Variants in SLCO5A1 observed in about 807,000 individuals in gnomAD.
SLCO5A1 encodes organic anion transporter polypeptide-related protein 4.
In SLCO5A1, 39 loss-of-function variants were observed where a neutral mutation model predicts 65.1. The ratio of observed to expected loss-of-function variants is 0.60; its 90% CI spans 0.46 to 0.78. The LOEUF is 0.78. SLCO5A1 is among the 30% of genes least tolerant of loss of function. The pLI, the probability that SLCO5A1 is intolerant of heterozygous loss-of-function variation, is 0.00. For synonymous variants in SLCO5A1, 438 were observed against 415.7 expected, an observed-to-expected ratio of 1.05 and a Z score of -0.65; for missense variants, 1,029 against 1,069.4, an observed-to-expected ratio of 0.96 and a Z score of 0.53.
intron 2 of SLCO5A1, among the ~76,000 whole-genome samples, chr8:69,772,760 CT>C (rs1818389031): frequency 1.3e-5 from 2 of 152,102 alleles, no homozygotes; most frequent in South Asian, 4.1e-4. Flanking sequence ...TCATGTAGGG[CT>C]GCATAGTCAC....
intron 2 of SLCO5A1, among the ~76,000 whole-genome samples, chr8:69,789,446 G>A (rs1819175620): frequency 6.6e-6 from 1 of 152,218 alleles, no homozygotes; most frequent in Non-Finnish European, 1.5e-5. Flanking sequence ...GTCAAAGACA[G>A]TAAGGGTCTT....
In SLCO5A1 at chr8:69,832,694, G is replaced by C; in HGVS notation, c.-21C>G. On this transcript the variant is annotated 5_prime_UTR_variant, in exon 2 of 10. The change creates a new upstream start codon in the 5' untranslated region. Transcript: ENST00000260126. This position sits in a 1 kb window ranked among gnomAD's most constrained non-coding sequence, Gnocchi z 4.5. Reference sequence around the variant, plus strand: ...TCCATGGCGCTTAGAATTCAGATTTGATAGCTGATGGCACCCAAGCACTCC... The same window carrying C: ...TCCATGGCGCTTAGAATTCAGATTTCATAGCTGATGGCACCCAAGCACTCC... The C allele has an allele frequency of 6.4e-7, 1 of 1,572,464 alleles. No homozygotes were observed.
intron 5 of SLCO5A1, among the ~76,000 whole-genome samples, chr8:69,731,093 G>T (rs529608911): frequency 7.9e-5 from 12 of 152,166 alleles, no homozygotes; most frequent in East Asian, 1.9e-4. Flanking sequence ...TGCCTCCCAG[G>T]TTCAAGTGAT....
intron 2 of SLCO5A1, among the ~76,000 whole-genome samples, chr8:69,784,106 A>G (rs1818913402): frequency 6.6e-6 from 1 of 152,226 alleles, no homozygotes. Flanking sequence ...CCTAGATTAA[A>G]GTCTATTTTT....
chr8:69,701,104 G>A (rs1248166054), intron 6 of SLCO5A1, among the ~76,000 whole-genome samples: 10 of 152,104 alleles, frequency 6.6e-5, no homozygotes, highest in Non-Finnish European at 1.5e-4. Flanking sequence ...AAGGAGTGGG[G>A]AAATGGAACT....
At chr8:69,733,626 G>A (rs951064415) in intron 5 of SLCO5A1, among the ~76,000 whole-genome samples, 9 of 152,176 alleles carry the variant, frequency 5.9e-5, no homozygotes, top group East Asian at 1.9e-4. Flanking sequence ...TGATGTGATC[G>A]TGGTGGTGGT....
intron 4 of SLCO5A1, among the ~76,000 whole-genome samples, chr8:69,743,749 C>G (rs1816902539): frequency 6.6e-6 from 1 of 152,056 alleles, no homozygotes; most frequent in Non-Finnish European, 1.5e-5. Flanking sequence ...GCTGATTAGA[C>G]CAGGGAAGGA....
In SLCO5A1 at chr8:69,834,933, C is replaced by T. The variant is rs570896716; in HGVS notation, c.-576G>A. On this transcript the variant is annotated 5_prime_UTR_variant, in exon 1 of 10. Transcript: ENST00000260126. ...CTGAGCTACGGGAATAGTTGGGAGCCGCGTGAGGAGGCAGCCTCCGTCCAG... is the reference window on the plus strand; with the variant it reads ...CTGAGCTACGGGAATAGTTGGGAGCTGCGTGAGGAGGCAGCCTCCGTCCAG... 32 of 152,622 alleles carry T rather than the reference C, an allele frequency of 2.1e-4. No individual in the cohort carries two copies. In the Middle Eastern group the frequency reaches 0.02, roughly 97 times the overall value. 9.5% of individuals were successfully genotyped at this position (152,622 alleles called of 1,614,324 possible).
At chr8:69,824,381 A>G (rs1156883205) in intron 2 of SLCO5A1, among the ~76,000 whole-genome samples, 1 of 152,170 alleles carries the variant, frequency 6.6e-6, no homozygotes, top group African/African-American at 2.4e-5. Flanking sequence ...GACCGCTAGC[A>G]AGACTAATAA....
At chr8:69,770,615 C>A (rs1340137294) in intron 2 of SLCO5A1, among the ~76,000 whole-genome samples, 2 of 152,058 alleles carry the variant, frequency 1.3e-5, no homozygotes, top group Non-Finnish European at 2.9e-5. Context: ...TCTTTTCAGA[C>A]CCTTCCAAAA....
intron 2 of SLCO5A1, among the ~76,000 whole-genome samples, chr8:69,812,066 G>A (rs1048147242): frequency 1.3e-5 from 2 of 152,196 alleles, no homozygotes; most frequent in Non-Finnish European, 2.9e-5. Flanking sequence ...ATTTACAAAT[G>A]CAAAAACTGA....
In SLCO5A1 at chr8:69,672,224, T is replaced by C. The variant is rs1025956582; in HGVS notation, c.*645A>G. On this transcript the variant is annotated 3_prime_UTR_variant, in exon 10 of 10. Coordinates refer to ENST00000260126, the MANE Select transcript of SLCO5A1 (RefSeq NM_030958.3). Reference sequence around the variant, plus strand: ...TCCTACGACCTGAAGTAGCTGTTCCTTCTATCACACTATGCCTATGGTTCC... The same window carrying C: ...TCCTACGACCTGAAGTAGCTGTTCCCTCTATCACACTATGCCTATGGTTCC... 3 of 152,396 alleles carry C rather than the reference T, an allele frequency of 2.0e-5. No homozygotes were observed. Among genetic ancestry groups the C allele is most frequent in the African/African-American group, 7.2e-5 (3 of 41,470 alleles). 9.4% of individuals were successfully genotyped at this position (152,396 alleles called of 1,614,324 possible). A position where few individuals can be genotyped will look rare whatever the true frequency, so the allele number is the denominator to read the frequency against.
At position 69,673,051 on chromosome 8, in the gene SLCO5A1, T is replaced by C; in HGVS notation, c.2365A>G (p.Asn789Asp). The change falls in exon 10 of 10, where the codon AAT becomes GAT. Residue 789 changes from asparagine to aspartate, a missense_variant. This residue lies in a region of SLCO5A1 where 258 missense variants were observed against 237.4 expected (regional missense o/e 1.09). Coordinates refer to ENST00000260126, the MANE Select transcript of SLCO5A1 (RefSeq NM_030958.3). ...TVSERVGHPD[N>D]ARTRSCPAFS... ...GCTGGGCAAGATCTAGTCCGGGCATTGTCGGGGTGTCCCACTCTCTCACTC... is the reference window on the plus strand; with the variant it reads ...GCTGGGCAAGATCTAGTCCGGGCATCGTCGGGGTGTCCCACTCTCTCACTC... 6.2e-7 allele frequency: 1 copy of C among 1,614,202 alleles called. No homozygotes were observed. The highest frequency in any genetic ancestry group is 8.5e-7 in the Non-Finnish European group (1 of 1,180,040).
At chr8:69,716,940 C>T (rs565283301) in intron 5 of SLCO5A1, among the ~76,000 whole-genome samples, 1 of 152,160 alleles carries the variant, frequency 6.6e-6, no homozygotes, top group South Asian at 2.1e-4. Flanking sequence ...CCACCACCCC[C>T]AGCTAATTTT....
At chr8:69,679,237 C>T (rs1813666984) in intron 8 of SLCO5A1, 141 bp downstream of exon 8, 2 of 1,153,476 alleles carry the variant, frequency 1.7e-6, no homozygotes, top group Non-Finnish European at 2.5e-6. Context: ...CTAAGTTCAC[C>T]AGGCAAATAT....
At position 69,672,577 on chromosome 8, in the gene SLCO5A1, C is replaced by G. The variant is rs922962496; in HGVS notation, c.*292G>C. ...ATTCCCCTTCCCATGGTTTTGCTAA[C>G]CGTGTACCTCAGCCTGTACCGTAGG... On this transcript the variant is annotated 3_prime_UTR_variant, in exon 10 of 10. Transcript: ENST00000260126. The G allele has an allele frequency of 9.8e-5, 34 of 345,544 alleles. No individual in the cohort carries two copies. The highest frequency in any genetic ancestry group is 1.6e-4 in the Non-Finnish European group (31 of 189,920). 21.4% of individuals were successfully genotyped at this position (345,544 alleles called of 1,614,324 possible).
chr8:69,800,819 A>C (rs1242317761), intron 2 of SLCO5A1, among the ~76,000 whole-genome samples: 1 of 152,220 alleles, frequency 6.6e-6, no homozygotes, highest in Non-Finnish European at 1.5e-5. Context: ...TTGACAGAGG[A>C]AAAGGGTGTT....
At chr8:69,769,078 C>G (rs995142405) in intron 2 of SLCO5A1, among the ~76,000 whole-genome samples, 2 of 152,138 alleles carry the variant, frequency 1.3e-5, no homozygotes, top group Non-Finnish European at 2.9e-5. Flanking sequence ...CATGGTCATT[C>G]TTTCTCCAGA....
chr8:69,704,702 T>C (rs1432042124), intron 6 of SLCO5A1, among the ~76,000 whole-genome samples: 1 of 152,240 alleles, frequency 6.6e-6, no homozygotes, highest in African/African-American at 2.4e-5. Flanking sequence ...TTTATGTTTT[T>C]GAGCTACAGA....
Sources: allele counts gnomAD v4.1 joint callset (sites outside exome capture counted in the v4.1 genomes callset), GRCh38; gene constraint gnomAD v4.1.1; regional missense constraint gnomAD v4.1.1; non-coding constraint Gnocchi (gnomAD v3.1); transcripts MANE v1.5; gene names NCBI Gene and HGNC (gene_info 2026-07-23, HGNC 2026-07-21).